Variants in RBMS1 observed in about 807,000 individuals in gnomAD.
RBMS1 encodes RNA-binding motif, single-stranded-interacting protein 1.
In RBMS1, 17 loss-of-function variants were observed where a neutral mutation model predicts 62.3. That is an observed-to-expected ratio of 0.27 (90% confidence interval 0.19 to 0.41). The LOEUF (loss-of-function observed/expected upper bound fraction) is 0.41, where lower values mean the gene tolerates loss of function less well. RBMS1 is among the 10% of genes least tolerant of loss of function. The pLI is 1.00. For synonymous variants in RBMS1, 172 were observed against 170.0 expected (o/e 1.01, Z -0.09); for missense variants, 334 against 504.5 (o/e 0.66, Z 3.24).
chr2:160,337,131 TTTTC>T (rs921438887), intron 2 of RBMS1, among the ~76,000 whole-genome samples: 2 of 143,152 alleles, frequency 1.4e-5, no homozygotes, highest in African/African-American at 5.1e-5. Flanking sequence ...TTTCTTTTTC[TTTTC>T]TTTTTTTTTT....
At chr2:160,302,007 C>T (rs564732027) in intron 5 of RBMS1, among the ~76,000 whole-genome samples, 1 of 152,186 alleles carries the variant, frequency 6.6e-6, no homozygotes, top group South Asian at 2.1e-4. Context: ...CTAATTAATG[C>T]ATCATATAAA....
chr2:160,345,935 A>G (rs1362135342), intron 2 of RBMS1, among the ~76,000 whole-genome samples: 1 of 152,144 alleles, frequency 6.6e-6, no homozygotes, highest in Non-Finnish European at 1.5e-5. Context: ...TGGTATTGCA[A>G]GCAGACAATG....
At chr2:160,326,098 T>A (rs762490748) in intron 2 of RBMS1, among the ~76,000 whole-genome samples, 7 of 152,134 alleles carry the variant, frequency 4.6e-5, no homozygotes, top group Non-Finnish European at 1.0e-4. Flanking sequence ...TAAAGGAGAA[T>A]GCTTGGCAAG....
At chr2:160,459,493 CAT>C (rs74268209) in intron 1 of RBMS1, among the ~76,000 whole-genome samples, 3,855 of 152,220 alleles carry the variant, frequency 0.025, 69 homozygotes, top group Middle Eastern at 0.061. Flanking sequence ...AAGTGATACA[CAT>C]GTTAATCTTT....
chr2:160,439,487 C>T (rs1386195420), intron 1 of RBMS1, among the ~76,000 whole-genome samples: 1 of 151,676 alleles, frequency 6.6e-6, no homozygotes, highest in African/African-American at 2.4e-5. Flanking sequence ...CCTCACTTCC[C>T]AGATGTGATG....
chr2:160,365,865 T>C (rs1693367571), intron 2 of RBMS1, among the ~76,000 whole-genome samples: 1 of 152,164 alleles, frequency 6.6e-6, no homozygotes, highest in Non-Finnish European at 1.5e-5. Context: ...TTATTTGTGG[T>C]CTTGAACAGC....
intron 1 of RBMS1, among the ~76,000 whole-genome samples, chr2:160,452,672 TA>T (rs1255573467): frequency 6.6e-6 from 1 of 152,228 alleles, no homozygotes; most frequent in Non-Finnish European, 1.5e-5. Context: ...AGAATGACCT[TA>T]TTACGAGAAT....
chr2:160,377,732 G>A (rs1694076121), intron 1 of RBMS1, among the ~76,000 whole-genome samples: 1 of 152,160 alleles, frequency 6.6e-6, no homozygotes, highest in Non-Finnish European at 1.5e-5. Flanking sequence ...CAGAGGTGGG[G>A]ACATACTTGA....
chr2:160,374,946 G>A (rs141067967), intron 1 of RBMS1, among the ~76,000 whole-genome samples: 12 of 151,772 alleles, frequency 7.9e-5, no homozygotes, highest in African/African-American at 1.5e-4. Flanking sequence ...GGGGACGGTG[G>A]GGGGGAGGAA....
chr2:160,341,274 T>C (rs1435887780), intron 2 of RBMS1, among the ~76,000 whole-genome samples: 1 of 152,218 alleles, frequency 6.6e-6, no homozygotes, highest in African/African-American at 2.4e-5. Context: ...TGAGTATTTA[T>C]ATTGTTTCCA....
chr2:160,461,314 G>GA (rs1376719694), intron 1 of RBMS1, among the ~76,000 whole-genome samples: 1 of 151,962 alleles, frequency 6.6e-6, no homozygotes, highest in Non-Finnish European at 1.5e-5. Context: ...AAGAAAGAAA[G>GA]AAAAAATATG....
chr2:160,426,270 AAAG>A (rs1280181169), intron 1 of RBMS1, among the ~76,000 whole-genome samples: 77 of 126,532 alleles, frequency 6.1e-4, no homozygotes, highest in Middle Eastern at 3.6e-3. Context: ...AGAAAGAAAG[AAAG>A]AAAGAAAGAA....
At chr2:160,468,742 T>G (rs1379173979) in intron 1 of RBMS1, among the ~76,000 whole-genome samples, 1 of 152,218 alleles carries the variant, frequency 6.6e-6, no homozygotes, top group Non-Finnish European at 1.5e-5. Context: ...ATGTAAGACA[T>G]CATTAAAGTA....
chr2:160,382,120 A>C (rs1694311873), intron 1 of RBMS1, among the ~76,000 whole-genome samples: 1 of 152,212 alleles, frequency 6.6e-6, no homozygotes, highest in South Asian at 2.1e-4. Flanking sequence ...ACATAGATTA[A>C]CATTATGTTA....
chr2:160,319,694 T>A (rs1056688654), intron 2 of RBMS1, among the ~76,000 whole-genome samples: 3 of 152,218 alleles, frequency 2.0e-5, no homozygotes, highest in Non-Finnish European at 4.4e-5. Flanking sequence ...AAAAGCATAT[T>A]AAAATTTTTA....
intron 1 of RBMS1, among the ~76,000 whole-genome samples, chr2:160,401,257 A>G (rs1377334688): frequency 6.6e-6 from 1 of 152,230 alleles, no homozygotes; most frequent in Non-Finnish European, 1.5e-5. Context: ...GAAATTCCAT[A>G]TGTTTAAATG....
At chr2:160,421,005 C>G (rs1484967465) in intron 1 of RBMS1, among the ~76,000 whole-genome samples, 3 of 152,036 alleles carry the variant, frequency 2.0e-5, no homozygotes, top group Non-Finnish European at 4.4e-5. Context: ...AATTACTTTC[C>G]CCGGATGGCA....
chr2:160,383,110 T>C (rs762938211), intron 1 of RBMS1, among the ~76,000 whole-genome samples: 1 of 152,160 alleles, frequency 6.6e-6, no homozygotes, highest in Non-Finnish European at 1.5e-5. Context: ...ACTGGGTAGA[T>C]TAAAACAACA....
At chr2:160,332,748 C>G (rs1691348817) in intron 2 of RBMS1, among the ~76,000 whole-genome samples, 1 of 151,996 alleles carries the variant, frequency 6.6e-6, no homozygotes, top group Non-Finnish European at 1.5e-5. Flanking sequence ...CCAAGGGGAG[C>G]TGAGATCCTA....
Sources: allele counts gnomAD v4.1 joint callset (sites outside exome capture counted in the v4.1 genomes callset), GRCh38; gene constraint gnomAD v4.1.1; transcripts MANE v1.5; gene names NCBI Gene and HGNC (gene_info 2026-07-23, HGNC 2026-07-21).